Variants in NTM observed in about 807,000 individuals in gnomAD.
The protein encoded by NTM is neurotrimin, also known as IgLON family member 2.
Under a neutral mutation model 42.1 loss-of-function variants are expected in NTM, and 13 were observed. The ratio of observed to expected loss-of-function variants is 0.31; its 90% CI spans 0.20 to 0.49. The LOEUF is 0.49. NTM is among the 20% of genes least tolerant of loss of function. NTM has a pLI of 0.99. For synonymous variants in NTM, 187 were observed against 179.2 expected, an observed-to-expected ratio of 1.04 and a Z score of -0.35; for missense variants, 373 against 452.8, an observed-to-expected ratio of 0.82 and a Z score of 1.60.
chr11:131,382,246 G>C (rs541972507), intron 1 of NTM, among the ~76,000 whole-genome samples: 7 of 152,108 alleles, frequency 4.6e-5, no homozygotes, highest in African/African-American at 7.2e-5. Context: ...TTCTTGACTG[G>C]GAGACTGGGA....
At chr11:132,275,736 G>A (rs796585749) in intron 4 of NTM, among the ~76,000 whole-genome samples, 2 of 37,714 alleles carry the variant, frequency 5.3e-5, no homozygotes, top group Admixed American at 3.3e-4. Context: ...GTATATATAC[G>A]TATATATATA....
intron 1 of NTM, among the ~76,000 whole-genome samples, chr11:131,574,068 G>T (rs991320308): frequency 2.6e-5 from 4 of 152,140 alleles, no homozygotes; most frequent in Non-Finnish European, 4.4e-5. Flanking sequence ...GGAGGAGTTC[G>T]GCTGTGCAGG....
intron 2 of NTM, among the ~76,000 whole-genome samples, chr11:132,057,233 A>G (rs1214562974): frequency 6.6e-6 from 1 of 152,200 alleles, no homozygotes; most frequent in Non-Finnish European, 1.5e-5. Flanking sequence ...CAATGCAGTA[A>G]ATATTGTCAG....
intron 1 of NTM, among the ~76,000 whole-genome samples, chr11:131,476,078 G>A (rs1463641778): frequency 2.0e-5 from 3 of 152,080 alleles, no homozygotes; most frequent in Non-Finnish European, 2.9e-5. Context: ...GAAGAAATGA[G>A]GAAAGGAGGG....
chr11:131,492,356 A>G (rs555434697), intron 1 of NTM, among the ~76,000 whole-genome samples: 2 of 152,142 alleles, frequency 1.3e-5, no homozygotes, highest in Admixed American at 6.6e-5. Context: ...CCTTGAGTGC[A>G]TTTCATTTTC....
intron 1 of NTM, among the ~76,000 whole-genome samples, chr11:131,573,075 A>T (rs318952): frequency 0.73 from 110,603 of 152,052 alleles, 41,748 homozygotes; most frequent in East Asian, 1. Flanking sequence ...CCTCTTGACA[A>T]GGCCCTGGAG....
chr11:131,747,254 T>C (rs747814121), intron 1 of NTM, among the ~76,000 whole-genome samples: 2 of 152,210 alleles, frequency 1.3e-5, no homozygotes, highest in Non-Finnish European at 2.9e-5. Flanking sequence ...ACTCACTCTT[T>C]GAATTGCCAG....
chr11:131,563,956 G>C (rs986846773), intron 1 of NTM, among the ~76,000 whole-genome samples: 2 of 152,136 alleles, frequency 1.3e-5, no homozygotes, highest in African/African-American at 4.8e-5. Flanking sequence ...TTGCCAAAGA[G>C]AGACCTGACT....
intron 1 of NTM, among the ~76,000 whole-genome samples, chr11:131,680,937 CTG>C (rs1242731650): frequency 3.3e-5 from 1 of 30,452 alleles, no homozygotes; most frequent in African/African-American, 1.3e-4. Flanking sequence ...GTATGTCTCC[CTG>C]TGTGTGTGAG....
At chr11:131,918,010 C>T (rs749019782) in intron 2 of NTM, among the ~76,000 whole-genome samples, 3 of 152,232 alleles carry the variant, frequency 2.0e-5, no homozygotes, top group Non-Finnish European at 4.4e-5. Context: ...TCATCTAAAC[C>T]GTAAGTGCTT....
At chr11:132,109,984 G>A (rs1224123232) in intron 2 of NTM, among the ~76,000 whole-genome samples, 3 of 152,190 alleles carry the variant, frequency 2.0e-5, no homozygotes, top group Admixed American at 6.5e-5. Context: ...CTTACCATTT[G>A]GGTTTCAGGA....
At chr11:131,700,710 CT>C (rs1231659734) in intron 1 of NTM, among the ~76,000 whole-genome samples, 1 of 152,230 alleles carries the variant, frequency 6.6e-6, no homozygotes, top group Non-Finnish European at 1.5e-5. Context: ...TGATGTAACC[CT>C]TATTCCCCTG....
At chr11:132,273,909 A>G (rs567499793) in intron 4 of NTM, among the ~76,000 whole-genome samples, 1 of 152,198 alleles carries the variant, frequency 6.6e-6, no homozygotes, top group South Asian at 2.1e-4. Flanking sequence ...CTCCATCTCA[A>G]AACAAAACAA....
chr11:131,976,380 A>T (rs913496826), intron 2 of NTM, among the ~76,000 whole-genome samples: 1 of 152,048 alleles, frequency 6.6e-6, no homozygotes. Context: ...TGGTTTATGG[A>T]CTGCTGTCAC....
chr11:131,813,062 A>G (rs1425062452), intron 1 of NTM, among the ~76,000 whole-genome samples: 1 of 152,204 alleles, frequency 6.6e-6, no homozygotes, highest in East Asian at 1.9e-4. Flanking sequence ...ATTTCTGGAC[A>G]GGATTATCAA....
intron 2 of NTM, among the ~76,000 whole-genome samples, chr11:131,977,023 G>C (rs1449156760): frequency 5.3e-5 from 8 of 152,232 alleles, no homozygotes; most frequent in African/African-American, 1.9e-4. Flanking sequence ...AGCCCCACCA[G>C]TCCTAGATGC....
intron 2 of NTM, among the ~76,000 whole-genome samples, chr11:132,070,922 A>G (rs2057519768): frequency 7.0e-6 from 1 of 142,598 alleles, no homozygotes; most frequent in Non-Finnish European, 1.6e-5. Context: ...AGGTTAGTTA[A>G]CACGTCACAC....
chr11:131,833,908 C>T (rs1312602673), intron 1 of NTM, among the ~76,000 whole-genome samples: 1 of 152,098 alleles, frequency 6.6e-6, no homozygotes, highest in Non-Finnish European at 1.5e-5. Flanking sequence ...ATTTCGAAGT[C>T]TTTTTTCTTA....
At chr11:132,140,381 C>T (rs2068844617) in intron 2 of NTM, among the ~76,000 whole-genome samples, 1 of 152,182 alleles carries the variant, frequency 6.6e-6, no homozygotes, top group Non-Finnish European at 1.5e-5. Context: ...TCTACCTAGG[C>T]ATGATGAGCC....
Sources: gnomAD v4.1 joint callset for allele counts (sites outside exome capture counted in the v4.1 genomes callset) on GRCh38, gnomAD v4.1.1 for gene constraint, MANE v1.5 for transcripts, NCBI Gene and HGNC (gene_info 2026-07-23, HGNC 2026-07-21) for gene names.